The following PPFIA2 variants were observed in gnomAD, a reference collection of about 807,000 sequenced individuals.
The protein encoded by PPFIA2 is PPFI scaffold protein A2.
PPFIA2 carries 46 observed loss-of-function variants against 175.5 expected under a neutral mutation model. The observed-to-expected ratio is 0.26, with a 90% CI of 0.21 to 0.34. The LOEUF (loss-of-function observed/expected upper bound fraction) is 0.34, where lower values mean the gene tolerates loss of function less well. Ranked by LOEUF, PPFIA2 falls within the 10% of genes least tolerant of loss-of-function variation. The probability of loss-of-function intolerance (pLI) is 1.00; values close to 1 mark genes in which losing one functional copy is unlikely to be tolerated. For missense variants in PPFIA2, 1,179 were observed against 1,506.1 expected, an observed-to-expected ratio of 0.78 and a Z score of 3.60; for synonymous variants, 568 against 511.4, an observed-to-expected ratio of 1.11 and a Z score of -1.49.
At chr12:81,522,320 TTATAGATACA>T (rs2153240981) in intron 4 of PPFIA2, among the ~76,000 whole-genome samples, 1 of 152,356 alleles carries the variant, frequency 6.6e-6, no homozygotes, top group African/African-American at 2.4e-5. Context: ...ACTGTGGATT[TTATAGATACA>T]CTACAATATA....
At chr12:81,443,779 G>C (rs1199087496) in intron 6 of PPFIA2, among the ~76,000 whole-genome samples, 1 of 147,030 alleles carries the variant, frequency 6.8e-6, no homozygotes, top group Non-Finnish European at 1.5e-5. Flanking sequence ...CTGCTGCTTA[G>C]AGTATCTTTC....
rs190413196 is a variant in PPFIA2 at position 81,304,550 on chromosome 12, A to G, written c.2643-5168T>C. On this transcript the variant is annotated intron_variant, in intron 22 of 32. Coordinates refer to ENST00000549396, the MANE Select transcript of PPFIA2 (RefSeq NM_003625.5). ...GTGTTCTGGGAACATAGATGTCTAT[A>G]ACGAGGCAACATTTGAGTAGAAACA... Among the ~76,000 whole-genome samples, 104 of 152,330 alleles carry G rather than the reference A, an allele frequency of 6.8e-4. 1 individual carries two copies. Among genetic ancestry groups the G allele is most frequent in the Admixed American group, 1.2e-3 (19 of 15,290 alleles).
At chr12:81,534,245 C>T (rs1259225555) in intron 4 of PPFIA2, among the ~76,000 whole-genome samples, 1 of 151,380 alleles carries the variant, frequency 6.6e-6, no homozygotes, top group East Asian at 1.9e-4. Flanking sequence ...GGAATAAGTT[C>T]TAAAAGTCCA....
chr12:81,477,242 A>G (rs1243274447), intron 4 of PPFIA2, among the ~76,000 whole-genome samples: 3 of 152,076 alleles, frequency 2.0e-5, no homozygotes, highest in Non-Finnish European at 4.4e-5. Context: ...AAAAAAGGAA[A>G]TTTAGTCTGA....
intron 3 of PPFIA2, among the ~76,000 whole-genome samples, chr12:81,735,053 T>G (rs936706139): frequency 2.6e-5 from 4 of 151,858 alleles, no homozygotes; most frequent in African/African-American, 9.7e-5. Flanking sequence ...AATATTTTCT[T>G]TACCACCTGA....
intron 4 of PPFIA2, among the ~76,000 whole-genome samples, chr12:81,590,441 A>C (rs1192872149): frequency 6.6e-6 from 1 of 152,088 alleles, no homozygotes; most frequent in Non-Finnish European, 1.5e-5. Context: ...CCATATACTA[A>C]TTACCATTAG....
intron 15 of PPFIA2, 126 bp from the exon 16 acceptor site, chr12:81,358,343 C>G (rs1472037724): frequency 7.4e-6 from 7 of 940,354 alleles, no homozygotes; most frequent in East Asian, 5.3e-5. Flanking sequence ...AGAAAGATAA[C>G]CGATAAATTG....
intron 4 of PPFIA2, among the ~76,000 whole-genome samples, chr12:81,556,954 T>C (rs2068984916): frequency 6.6e-6 from 1 of 151,946 alleles, no homozygotes; most frequent in Admixed American, 6.6e-5. Flanking sequence ...TTAGTTTCAA[T>C]AAAAGTCAAG....
chr12:81,351,083 T>C (rs1424100575), intron 17 of PPFIA2, among the ~76,000 whole-genome samples: 1 of 152,136 alleles, frequency 6.6e-6, no homozygotes, highest in African/African-American at 2.4e-5. Context: ...AAACCATATA[T>C]TAAATTAAAA....
At chr12:81,276,553 T>C (rs1565865602) in intron 28 of PPFIA2, among the ~76,000 whole-genome samples, 1 of 152,172 alleles carries the variant, frequency 6.6e-6, no homozygotes, top group African/African-American at 2.4e-5. Context: ...TTCTCGGGTA[T>C]ATTAAGGTAC....
intron 22 of PPFIA2, among the ~76,000 whole-genome samples, chr12:81,311,594 G>A (rs112413930): frequency 2.2e-4 from 34 of 151,934 alleles, no homozygotes; most frequent in Non-Finnish European, 4.0e-4. Context: ...TTAGCCAGGC[G>A]TGGTGGTGGG....
chr12:81,498,991 CA>C (rs1374488325), intron 4 of PPFIA2, among the ~76,000 whole-genome samples: 1 of 152,046 alleles, frequency 6.6e-6, no homozygotes, highest in Non-Finnish European at 1.5e-5. Flanking sequence ...GTGCATCAAG[CA>C]ATAGAAAAAA....
chr12:81,743,204 G>A (rs1414211297), intron 3 of PPFIA2, among the ~76,000 whole-genome samples: 1 of 151,328 alleles, frequency 6.6e-6, no homozygotes, highest in Non-Finnish European at 1.5e-5. Flanking sequence ...CAATCACGAG[G>A]TCAGGAGATG....
intron 4 of PPFIA2, among the ~76,000 whole-genome samples, chr12:81,570,117 T>G (rs1318988878): frequency 2.0e-5 from 3 of 152,202 alleles, no homozygotes; most frequent in Non-Finnish European, 4.4e-5. Context: ...TACTACTTCC[T>G]ATTTCTCAAA....
chr12:81,742,161 G>A (rs2082402535), intron 3 of PPFIA2, among the ~76,000 whole-genome samples: 2 of 152,210 alleles, frequency 1.3e-5, no homozygotes, highest in African/African-American at 4.8e-5. Flanking sequence ...AATTGCAAAT[G>A]TTAACATTGT....
intron 17 of PPFIA2, among the ~76,000 whole-genome samples, chr12:81,350,252 T>C (rs75486181): frequency 0.012 from 1,890 of 152,286 alleles, 45 homozygotes; most frequent in Admixed American, 0.029. Context: ...TATTCCGTTA[T>C]TCCGTTAATA....
chr12:81,354,205 A>C (rs2060501675), intron 16 of PPFIA2, among the ~76,000 whole-genome samples: 1 of 152,154 alleles, frequency 6.6e-6, no homozygotes, highest in Non-Finnish European at 1.5e-5. Context: ...AATTTGCCAC[A>C]TTGATTGACT....
At position 81,642,671 on chromosome 12, in the gene PPFIA2, AC is replaced by A. The variant is rs1310341268; in HGVS notation, c.303+34119del. Among the ~76,000 whole-genome samples the A allele has an allele frequency of 3.5e-3, 268 of 75,766 alleles. 72 individuals carry two copies. The highest frequency in any genetic ancestry group is 8.3e-3 in the South Asian group (18 of 2,178). 49.7% of individuals were successfully genotyped at this position (75,766 alleles called of 152,430 possible). A position where few individuals can be genotyped will look rare whatever the true frequency, so the allele number is the denominator to read the frequency against. Reference sequence around the variant, plus strand: ...ACATGTATGTATCTATTATATACATACATGTATGTATCTATTATATACATAC... The same window carrying A: ...ACATGTATGTATCTATTATATACATAATGTATGTATCTATTATATACATAC... On this transcript the variant is annotated intron_variant, in intron 4 of 32. Transcript: ENST00000549396.
At chr12:81,292,673 T>C (rs974463238) in intron 24 of PPFIA2, 2 of 152,114 alleles carry the variant, frequency 1.3e-5, no homozygotes, top group Non-Finnish European at 2.9e-5. Context: ...AGGCTTCCAG[T>C]CAACAGTAGG....
Sources: allele counts gnomAD v4.1 joint callset (sites outside exome capture counted in the v4.1 genomes callset), GRCh38; gene constraint gnomAD v4.1.1; transcripts MANE v1.5; gene names NCBI Gene and HGNC (gene_info 2026-07-23, HGNC 2026-07-21).